Variants in PRX observed in about 807,000 individuals in gnomAD.
PRX encodes the protein periaxin.
Under a neutral mutation model 29.6 loss-of-function variants are expected in PRX, and 24 were observed. That is an observed-to-expected ratio of 0.81 (90% confidence interval 0.59 to 1.14). The LOEUF is 1.14. Ranked by LOEUF, PRX falls within the 50% of genes most tolerant of loss-of-function variation. The pLI is 0.00. For missense variants in PRX, 1,838 were observed against 1,926.4 expected, an observed-to-expected ratio of 0.95 and a Z score of 0.86; for synonymous variants, 772 against 831.7, an observed-to-expected ratio of 0.93 and a Z score of 1.24.
rs534186199 is a variant in PRX, at chr19:40,394,472, C to A, written c.3880G>T (p.Ala1294Ser). 5 of 1,601,462 alleles carry A rather than the reference C, an allele frequency of 3.1e-6. No individual in the cohort carries two copies. Among genetic ancestry groups the A allele is most frequent in the East Asian group, 2.3e-5 (1 of 44,038 alleles). The change falls in exon 7 of 7, where the codon GCA becomes TCA. Residue 1294 changes from alanine to serine, a missense_variant. Physicochemically the swap from Ala to Ser is moderately conservative, Grantham distance 99. This residue lies in a region of PRX where 1,143 missense variants were observed against 1,193.0 expected (regional missense o/e 0.96). Coordinates refer to ENST00000324001, the MANE Select transcript of PRX (RefSeq NM_181882.3). This position sits in a 1 kb window ranked among gnomAD's most constrained non-coding sequence, Gnocchi z 5.8. ...TGTCCGGCCTCTCCCTCCCCCTCTG[C>A]CACCTGGTACTCGGCATGGTTGCCC... ...SGGNHAEYQVAEGEGEAGHKL... is the reference protein window; with the variant it reads ...SGGNHAEYQVSEGEGEAGHKL...
intron 1 of PRX, among the ~76,000 whole-genome samples, chr19:40,408,977 C>T (rs1221192151): frequency 6.6e-6 from 1 of 151,938 alleles, no homozygotes; most frequent in South Asian, 2.1e-4. Context: ...ACTACAGGCA[C>T]GCACCTTGGG....
Position 40,398,957 on chromosome 19 carries a change from C to T in PRX, c.185-141G>A, listed in dbSNP as rs117017245. 8.7e-3 allele frequency: 13,018 copies of T among 1,498,294 alleles called. 80 individuals carry two copies. Among genetic ancestry groups the T allele is most frequent in the Admixed American group, 0.014 (666 of 49,280 alleles). 92.8% of individuals were successfully genotyped at this position (1,498,294 alleles called of 1,614,324 possible). On this transcript the variant is annotated intron_variant, in intron 5 of 6. Coordinates refer to ENST00000324001, the MANE Select transcript of PRX (RefSeq NM_181882.3). The surrounding 1 kb of genome is among the most constrained non-coding windows in gnomAD (Gnocchi z 6.3). ...TCCAATCCCCAGCGCAGGATTAAGT[C>T]GCAGTTACGCTAGTCCCCGCCCCAT...
Position 40,398,603 on chromosome 19 carries a change from G to C in PRX, c.381+17C>G. 6.2e-7 allele frequency: 1 copy of C among 1,612,674 alleles called. No homozygotes were observed. Among genetic ancestry groups the C allele is most frequent in the Non-Finnish European group, 8.5e-7 (1 of 1,179,630 alleles). On this transcript the variant is annotated intron_variant, in intron 6 of 6. Coordinates refer to ENST00000324001, the MANE Select transcript of PRX (RefSeq NM_181882.3). This position sits in a 1 kb window ranked among gnomAD's most constrained non-coding sequence, Gnocchi z 6.3. ...GCTGGGGCAGTCCAGGGCCGGGGCC[G>C]GGCTAAGCACGCGTACCAGCTTGGC...
At position 40,394,579 on chromosome 19, in the gene PRX, C is replaced by A. The variant is rs1171064468; in HGVS notation, c.3773G>T (p.Gly1258Val). Reference sequence around the variant, plus strand: ...TGGGGGCTGCTCCTCAGCACCCTCGCCCCCCACCCTAGCTCTGGCCCCCAG... The same window carrying A: ...TGGGGGCTGCTCCTCAGCACCCTCGACCCCCACCCTAGCTCTGGCCCCCAG... The part of the protein sequence containing the change: ...PTLGARARVG[G>V]EGAEEQPPGA... The change falls in exon 7 of 7, where the codon GGC becomes GTC. Residue 1258 changes from glycine (G) to valine (V), a missense_variant. By Grantham distance (109) the Gly-to-Val change is moderately radical. Coordinates refer to ENST00000324001, the MANE Select transcript of PRX (RefSeq NM_181882.3). This position sits in a 1 kb window ranked among gnomAD's most constrained non-coding sequence, Gnocchi z 5.8. 1 of 1,608,814 alleles carries A rather than the reference C, an allele frequency of 6.2e-7. No individual in the cohort carries two copies. Among genetic ancestry groups the A allele is most frequent in the Admixed American group, 1.7e-5 (1 of 59,860 alleles).
In PRX at chr19:40,395,505, C is replaced by G. The variant is rs2079424941; in HGVS notation, c.2847G>C (p.Glu949Asp). Residue 949 changes from glutamate to aspartate, a missense_variant, in exon 7 of 7, where the codon GAG (glutamate) becomes GAC (aspartate). This residue lies in a region of PRX where 1,143 missense variants were observed against 1,193.0 expected (regional missense o/e 0.96). Transcript: ENST00000324001. ...TCAGCTTGGTAGCTCGCCCAGCCCC[C>G]TCAGCCTCTGCCTTAGCCACCTTTG... is the stretch of plus-strand genomic sequence containing the variant. ...SGPKVAKAEA[E>D]GAGRATKLKV... The G allele has an allele frequency of 1.2e-6, 2 of 1,614,098 alleles. No individual in the cohort carries two copies. The highest frequency in any genetic ancestry group is 1.7e-6 in the Non-Finnish European group (2 of 1,180,044).
Position 40,394,859 on chromosome 19 carries a change from T to C in PRX, c.3493A>G (p.Thr1165Ala). The change falls in exon 7 of 7, where the codon ACC (threonine) becomes GCC (alanine). Residue 1165 changes from threonine to alanine, a missense_variant. Physicochemically the swap from Thr to Ala is moderately conservative, Grantham distance 58. This residue lies in a region of PRX where 1,143 missense variants were observed against 1,193.0 expected (regional missense o/e 0.96). Transcript: ENST00000324001. This position sits in a 1 kb window ranked among gnomAD's most constrained non-coding sequence, Gnocchi z 5.8. The stretch of plus-strand genomic sequence containing the variant: ...GTACTCTGAGCCTGCTGCCCTGGGG[T>C]ACCTGCCTCCCCAAAGCCGGTCAGC... The part of the protein sequence containing the change: ...VELTGFGEAG[T>A]PGQQAQSTVP... 1 of 1,612,292 alleles carries C rather than the reference T, an allele frequency of 6.2e-7. No individual in the cohort carries two copies.
chr19:40,397,998 C>T (rs771588856), intron 6 of PRX, 28 bp from the exon 7 acceptor site: 6 of 1,591,962 alleles, frequency 3.8e-6, no homozygotes, highest in Middle Eastern at 1.7e-4. Flanking sequence ...AGGCAGGAGG[C>T]GGTGGGACAG....
At position 40,397,040 on chromosome 19, in the gene PRX, T is replaced by C; in HGVS notation, c.1312A>G (p.Lys438Glu). Residue 438 changes from lysine to glutamate, a missense_variant, in exon 7 of 7, where the codon AAG becomes GAG. By Grantham distance (56) the Lys-to-Glu change is moderately conservative (BLOSUM62 1). This residue lies in a region of PRX where 666 missense variants were observed against 665.0 expected (regional missense o/e 1.00). Coordinates refer to ENST00000324001, the MANE Select transcript of PRX (RefSeq NM_181882.3). ...GVSGPEVKVPKGPEVKLPKAP... is the reference protein window; with the variant it reads ...GVSGPEVKVPEGPEVKLPKAP... ...TTGGGGAGCTTCACTTCAGGTCCCT[T>C]GGGCACCTTGACCTCGGGCCCTGAC... 1 of 1,614,082 alleles carries C rather than the reference T, an allele frequency of 6.2e-7. No homozygotes were observed. Among genetic ancestry groups the C allele is most frequent in the Non-Finnish European group, 8.5e-7 (1 of 1,180,020 alleles).
At position 40,405,408 on chromosome 19, in the gene PRX, C is replaced by T. The variant is rs149349329; in HGVS notation, c.28-1546G>A. On this transcript the variant is annotated intron_variant, in intron 4 of 6. Coordinates refer to ENST00000324001, the MANE Select transcript of PRX (RefSeq NM_181882.3). ...TCTGAGAGGACACTGTCATGGCCAA[C>T]GCACTGGGGCCAGCACGGACTGGAA... Among the ~76,000 whole-genome samples the T allele has an allele frequency of 1.4e-3, 215 of 152,156 alleles. 1 individual carries two copies. The highest frequency in any genetic ancestry group is 4.8e-3 in the African/African-American group (198 of 41,504).
At position 40,395,315 on chromosome 19, in the gene PRX, C is replaced by T. The variant is rs548086012; in HGVS notation, c.3037G>A (p.Asp1013Asn). ...PSGKVEVAGA[D>N]LKFKGPRFAL... Reference sequence around the variant, plus strand: ...AACCTGGGCCCCTTGAACTTGAGGTCGGCCCCTGCCACCTCTACCTTGCCT... The same window carrying T: ...AACCTGGGCCCCTTGAACTTGAGGTTGGCCCCTGCCACCTCTACCTTGCCT... The change falls in exon 7 of 7, where the codon GAC becomes AAC. Residue 1013 changes from aspartate to asparagine, a missense_variant. Coordinates refer to ENST00000324001, the MANE Select transcript of PRX (RefSeq NM_181882.3). 3.8e-5 allele frequency: 61 copies of T among 1,613,566 alleles called. No homozygotes were observed. Among genetic ancestry groups the T allele is most frequent in the Admixed American group, 3.5e-4 (21 of 60,022 alleles).
chr19:40,404,669 C>A (rs936700734), intron 4 of PRX, among the ~76,000 whole-genome samples: 1 of 151,992 alleles, frequency 6.6e-6, no homozygotes, highest in African/African-American at 2.4e-5. Context: ...TCCTTAAACT[C>A]AAGCAGACCT....
At position 40,408,848 on chromosome 19, in the gene PRX, A is replaced by T. The variant is rs563278894; in HGVS notation, c.-242-465T>A. On this transcript the variant is annotated intron_variant, in intron 1 of 6. Transcript: ENST00000324001. ...GTGTGTGTGTGTGTGTGTGTGTGTG[A>T]GAGAGAGAGTTTTGCTCTGTCACCT... Among the ~76,000 whole-genome samples the T allele has an allele frequency of 4.8e-3, 596 of 123,408 alleles. 2 individuals are homozygous for T. The highest frequency in any genetic ancestry group is 0.019 in the African/African-American group (523 of 28,070). 81.0% of individuals were successfully genotyped at this position (123,408 alleles called of 152,430 possible). A position where few individuals can be genotyped will look rare whatever the true frequency, so the allele number is the denominator to read the frequency against.
At chr19:40,413,053 C>G (rs559104761) in intron 1 of PRX, among the ~76,000 whole-genome samples, 2 of 152,174 alleles carry the variant, frequency 1.3e-5, no homozygotes, top group Non-Finnish European at 2.9e-5. Flanking sequence ...AGCAGCAACT[C>G]ATTTACTCGG....
chr19:40,414,277 T>C (rs1039606001), upstream of PRX, among the ~76,000 whole-genome samples: 5 of 152,118 alleles, frequency 3.3e-5, no homozygotes, highest in African/African-American at 1.2e-4. Context: ...GTATGCATCA[T>C]CATGCCCAGC....
At position 40,394,949 on chromosome 19, in the gene PRX, C is replaced by T. The variant is rs776944425; in HGVS notation, c.3403G>A (p.Val1135Ile). Reference protein sequence around the residue: ...GLKVSTAGQVVTEGHDAGLRM... With the variant: ...GLKVSTAGQVITEGHDAGLRM... ...AGCCCCGCGTCATGGCCCTCAGTGA[C>T]CACCTGCCCGGCTGTGGACACCTTC... Residue 1135 changes from valine to isoleucine, a missense_variant, in exon 7 of 7, where the codon GTC becomes ATC. Around this residue, in one of 3 missense-constraint regions of PRX, gnomAD observed 1,143 missense variants for 1,193.0 expected, o/e 0.96. Transcript: ENST00000324001. The surrounding 1 kb of genome is among the most constrained non-coding windows in gnomAD (Gnocchi z 5.8). 1.1e-5 allele frequency: 18 copies of T among 1,609,138 alleles called. No individual in the cohort carries two copies. Among genetic ancestry groups the T allele is most frequent in the Non-Finnish European group, 1.5e-5 (18 of 1,179,294 alleles).
In PRX at chr19:40,394,198, G is replaced by A. The variant is rs1301336878; in HGVS notation, c.4154C>T (p.Ala1385Val). Reference sequence around the variant, plus strand: ...CTGCCCCCGAGAGGCTTTAGAAGGGGCCGCCAGGCCTACACGTGGCAAGCG... The same window carrying A: ...CTGCCCCCGAGAGGCTTTAGAAGGGACCGCCAGGCCTACACGTGGCAAGCG... ...RVRLPRVGLA[A>V]PSKASRGQEG... Residue 1385 changes from alanine (A) to valine (V), a missense_variant, in exon 7 of 7, where the codon GCC becomes GTC. This residue lies in a region of PRX where 1,143 missense variants were observed against 1,193.0 expected (regional missense o/e 0.96). Transcript: ENST00000324001. The surrounding 1 kb of genome is among the most constrained non-coding windows in gnomAD (Gnocchi z 5.8). 1.3e-6 allele frequency: 2 copies of A among 1,590,176 alleles called. No individual in the cohort carries two copies. Among genetic ancestry groups the A allele is most frequent in the Non-Finnish European group, 1.7e-6 (2 of 1,165,088 alleles).
In PRX at chr19:40,398,985, C is replaced by T. The variant is rs578136486; in HGVS notation, c.185-169G>A. On this transcript the variant is annotated intron_variant, in intron 5 of 6. Coordinates refer to ENST00000324001, the MANE Select transcript of PRX (RefSeq NM_181882.3). This position sits in a 1 kb window ranked among gnomAD's most constrained non-coding sequence, Gnocchi z 6.3. ...AGTTACGCTAGTCCCCGCCCCATGA[C>T]CTTATCCCCGCCCCCTGCAATGAAC... is the stretch of plus-strand genomic sequence containing the variant. Among the ~76,000 whole-genome samples, 129 of 151,702 alleles carry T rather than the reference C, an allele frequency of 8.5e-4. 1 individual carries two copies. Among genetic ancestry groups the T allele is most frequent in the African/African-American group, 2.9e-3 (121 of 41,354 alleles).
Position 40,395,695 on chromosome 19 carries a change from T to A in PRX, c.2657A>T (p.Glu886Val), listed in dbSNP as rs1212378012. ...CACTTCCCTGACCCCTGCTGCCACC[T>A]CAGGGCCCTCCACCCGCTCTCCCTT... ...MGKGERVEGPEVAAGVREVGF... is the reference protein window; with the variant it reads ...MGKGERVEGPVVAAGVREVGF... The change falls in exon 7 of 7, where the codon GAG (glutamate) becomes GTG (valine). Residue 886 changes from glutamate to valine, a missense_variant. Physicochemically the swap from Glu to Val is moderately radical, Grantham distance 121. Coordinates refer to ENST00000324001, the MANE Select transcript of PRX (RefSeq NM_181882.3). 2.5e-6 allele frequency: 4 copies of A among 1,614,066 alleles called. No homozygotes were observed. The highest frequency in any genetic ancestry group is 3.4e-6 in the Non-Finnish European group (4 of 1,179,968).
chr19:40,411,211 G>A (rs1437018206), intron 1 of PRX, among the ~76,000 whole-genome samples: 1 of 152,208 alleles, frequency 6.6e-6, no homozygotes, highest in East Asian at 1.9e-4. Context: ...GAGCTGGGTT[G>A]GGCAGGAGGG....
Sources: gnomAD v4.1 joint callset for allele counts (sites outside exome capture counted in the v4.1 genomes callset) on GRCh38, gnomAD v4.1.1 for gene constraint, gnomAD v4.1.1 regional missense constraint, Gnocchi (gnomAD v3.1) non-coding constraint, MANE v1.5 for transcripts, NCBI Gene and HGNC (gene_info 2026-07-23, HGNC 2026-07-21) for gene names.